The following PTPRD variants were observed in gnomAD, a reference collection of about 807,000 sequenced individuals.
The protein encoded by PTPRD is receptor-type tyrosine-protein phosphatase delta.
In PTPRD, 34 loss-of-function variants were observed where a neutral mutation model predicts 214.5. The ratio of observed to expected loss-of-function variants is 0.16; its 90% confidence interval spans 0.12 to 0.21. PTPRD has a LOEUF of 0.21. PTPRD is among the 10% of genes least tolerant of loss of function. PTPRD has a pLI of 1.00. For synonymous variants in PTPRD, 1,128 were observed against 845.7 expected, an observed-to-expected ratio of 1.33 and a Z score of -5.79; for missense variants, 2,545 against 2,398.7, an observed-to-expected ratio of 1.06 and a Z score of -1.27.
At chr9:9,076,057 T>G (rs933983599) in intron 10 of PTPRD, among the ~76,000 whole-genome samples, 1 of 152,172 alleles carries the variant, frequency 6.6e-6, no homozygotes, top group Non-Finnish European at 1.5e-5. Flanking sequence ...TTTCTCTACA[T>G]CCTCTCCAGC....
At chr9:9,872,049 A>G (rs947713139) in intron 5 of PTPRD, among the ~76,000 whole-genome samples, 11 of 152,040 alleles carry the variant, frequency 7.2e-5, no homozygotes, top group Non-Finnish European at 1.5e-4. Flanking sequence ...ACCACAGACT[A>G]TTGTCTGTGG....
chr9:8,943,030 A>G (rs2099042983), intron 11 of PTPRD, among the ~76,000 whole-genome samples: 1 of 152,156 alleles, frequency 6.6e-6, no homozygotes, highest in South Asian at 2.1e-4. Flanking sequence ...CAAGAAAGTA[A>G]CCTTATTTAC....
At chr9:9,151,449 C>T (rs370610345) in intron 10 of PTPRD, among the ~76,000 whole-genome samples, 6 of 152,214 alleles carry the variant, frequency 3.9e-5, no homozygotes, top group Admixed American at 2.0e-4. Flanking sequence ...TGCAGGCAGG[C>T]GTCTGGGGAT....
chr9:9,142,849 T>G (rs145039250), intron 10 of PTPRD, among the ~76,000 whole-genome samples: 1 of 152,160 alleles, frequency 6.6e-6, no homozygotes. Context: ...CTCTGTGTCC[T>G]GGAAGATTAA....
chr9:9,238,378 C>T (rs1265280921), intron 9 of PTPRD, among the ~76,000 whole-genome samples: 2 of 152,060 alleles, frequency 1.3e-5, no homozygotes, highest in African/African-American at 2.4e-5. Flanking sequence ...GACAGCAGTT[C>T]ATTAAGTAAT....
intron 9 of PTPRD, among the ~76,000 whole-genome samples, chr9:9,337,656 C>T (rs2045099621): frequency 6.6e-6 from 1 of 152,150 alleles, no homozygotes; most frequent in Admixed American, 6.6e-5. Context: ...CAAGACTTGT[C>T]CTGTGATGAC....
chr9:9,640,950 A>T (rs2095922682), intron 7 of PTPRD, among the ~76,000 whole-genome samples: 4 of 152,266 alleles, frequency 2.6e-5, no homozygotes, highest in Admixed American at 2.6e-4. Flanking sequence ...GTAAGATCAA[A>T]TCCAACTGGC....
At chr9:10,259,762 G>T (rs940205669) in intron 3 of PTPRD, among the ~76,000 whole-genome samples, 2 of 152,078 alleles carry the variant, frequency 1.3e-5, no homozygotes, top group Admixed American at 1.3e-4. Flanking sequence ...TGTAGCATAG[G>T]CCCTGATGAT....
chr9:10,469,117 C>T (rs1323592382), intron 2 of PTPRD, among the ~76,000 whole-genome samples: 1 of 152,066 alleles, frequency 6.6e-6, no homozygotes, highest in Admixed American at 6.6e-5. Context: ...AAATAGTATA[C>T]TAGATTTCAT....
At chr9:8,951,352 A>G (rs1175365725) in intron 11 of PTPRD, among the ~76,000 whole-genome samples, 1 of 145,392 alleles carries the variant, frequency 6.9e-6, no homozygotes, top group Non-Finnish European at 1.5e-5. Flanking sequence ...TCCCGTAAAC[A>G]TAGAAATGTG....
chr9:10,390,259 G>A (rs77618852), intron 2 of PTPRD, among the ~76,000 whole-genome samples: 7,468 of 151,790 alleles, frequency 0.049, 276 homozygotes, highest in Non-Finnish European at 0.074. Flanking sequence ...ATACCATGTG[G>A]TCTTAGACTC....
intron 2 of PTPRD, among the ~76,000 whole-genome samples, chr9:10,402,479 G>A (rs1401498721): frequency 2.0e-5 from 3 of 151,560 alleles, no homozygotes; most frequent in Non-Finnish European, 4.4e-5. Context: ...AATCCATAAG[G>A]CAAAGTAAAG....
chr9:9,735,803 G>A (rs541524519), intron 6 of PTPRD, among the ~76,000 whole-genome samples: 4 of 151,998 alleles, frequency 2.6e-5, no homozygotes, highest in South Asian at 2.1e-4. Context: ...TTCTATTAAC[G>A]ACCTAAGAAA....
intron 5 of PTPRD, among the ~76,000 whole-genome samples, chr9:9,929,890 G>C (rs965297521): frequency 6.6e-5 from 10 of 152,172 alleles, no homozygotes; most frequent in African/African-American, 2.2e-4. Context: ...GTTTTCTTTT[G>C]CCATAGTACT....
intron 34 of PTPRD, among the ~76,000 whole-genome samples, chr9:8,448,618 AT>A (rs900773062): frequency 6.6e-6 from 1 of 152,010 alleles, no homozygotes; most frequent in Non-Finnish European, 1.5e-5. Flanking sequence ...ATGAGTTAGA[AT>A]TTTTTTTAAA....
chr9:8,526,591 A>G, intron 17 of PTPRD, 36 bp downstream of exon 17: 1 of 1,536,098 alleles, frequency 6.5e-7, no homozygotes, highest in Non-Finnish European at 8.8e-7. Context: ...AAGAATGAGT[A>G]AGATCATTCT....
At chr9:9,954,152 T>C (rs2093689908) in intron 4 of PTPRD, among the ~76,000 whole-genome samples, 1 of 151,404 alleles carries the variant, frequency 6.6e-6, no homozygotes, top group African/African-American at 2.4e-5. Context: ...AAAAATTAGC[T>C]GGGTGTGGTG....
intron 5 of PTPRD, among the ~76,000 whole-genome samples, chr9:9,802,643 C>G (rs747149367): frequency 6.7e-6 from 1 of 149,666 alleles, no homozygotes; most frequent in African/African-American, 2.5e-5. Flanking sequence ...ATGCTAGGAA[C>G]GTTTTTTTTT....
intron 11 of PTPRD, among the ~76,000 whole-genome samples, chr9:8,746,251 T>C (rs892532948): frequency 1.3e-5 from 2 of 152,168 alleles, no homozygotes; most frequent in African/African-American, 4.8e-5. Flanking sequence ...TATTACGAAG[T>C]TGCTGAGGGC....
Sources: allele counts gnomAD v4.1 joint callset (sites outside exome capture counted in the v4.1 genomes callset), GRCh38; gene constraint gnomAD v4.1.1; transcripts MANE v1.5; gene names NCBI Gene and HGNC (gene_info 2026-07-23, HGNC 2026-07-21).